TET2: variants seen among roughly 807,000 people sequenced by gnomAD.
TET2 encodes the protein methylcytosine dioxygenase TET2.
A neutral mutation model predicts 142.9 loss-of-function variants in TET2; 299 were observed. The observed-to-expected ratio is 2.09, with a 90% CI of 1.90 to 2.30. The LOEUF is 2.30. Among genes scored for constraint, TET2 ranks in the 30% most tolerant of loss-of-function variants. The pLI is 0.00. For synonymous variants in TET2, 819 were observed against 849.0 expected (o/e 0.96, Z 0.61); for missense variants, 2,418 against 2,378.0 (o/e 1.02, Z -0.35).
At chr4:105,240,742 T>C in intron 3 of TET2, 1 of 1,079,792 alleles carries the variant, frequency 9.3e-7, no homozygotes, top group Non-Finnish European at 1.1e-6. Context: ...AACAGCCCCT[T>C]CTTTTTGCCT....
chr4:105,200,642 GTTTTGT>G lies in TET2; in HGVS notation c.-47+10166_-47+10171del, dbSNP rs70964635. Among the ~76,000 whole-genome samples the G allele has an allele frequency of 5.5e-3, 815 of 149,510 alleles. 4 individuals carry two copies. The highest frequency in any genetic ancestry group is 0.02 in the South Asian group (95 of 4,688). On this transcript the variant is annotated intron_variant, in intron 2 of 10. Coordinates refer to ENST00000380013, the MANE Select transcript of TET2 (RefSeq NM_001127208.3). ...CAGGTCACACTGTTTTTTTTTGTTT[GTTTTGT>G]TTTTGTTTTTGTTTTTGTTTTTGTT...
At chr4:105,167,018 A>G (rs1476172503) in intron 1 of TET2, among the ~76,000 whole-genome samples, 2 of 151,774 alleles carry the variant, frequency 1.3e-5, no homozygotes, top group Non-Finnish European at 2.9e-5. Flanking sequence ...ACCTTTGATT[A>G]TTTCTTCCTT....
chr4:105,264,533 AT>A (rs1730597193), intron 8 of TET2, among the ~76,000 whole-genome samples: 1 of 152,168 alleles, frequency 6.6e-6, no homozygotes, highest in African/African-American at 2.4e-5. Context: ...TATTTTATAC[AT>A]TTCCTAAAAC....
chr4:105,208,144 T>C (rs185263334), intron 2 of TET2, among the ~76,000 whole-genome samples: 5 of 152,294 alleles, frequency 3.3e-5, no homozygotes, highest in Non-Finnish European at 7.4e-5. Flanking sequence ...CTCAATATCT[T>C]CCTGGCCATC....
intron 2 of TET2, among the ~76,000 whole-genome samples, chr4:105,228,174 A>G (rs923772861): frequency 3.3e-5 from 5 of 152,146 alleles, no homozygotes; most frequent in Non-Finnish European, 7.4e-5. Flanking sequence ...TTTAGCACAT[A>G]TTAAAGTAAA....
intron 3 of TET2, chr4:105,238,278 G>C (rs1729074362): frequency 4.2e-6 from 1 of 239,440 alleles, no homozygotes; most frequent in African/African-American, 2.2e-5. Flanking sequence ...GGTAGTTGCT[G>C]AAGGTTGCTG....
At chr4:105,149,048 C>G (rs1578521373) in intron 1 of TET2, among the ~76,000 whole-genome samples, 1 of 152,206 alleles carries the variant, frequency 6.6e-6, no homozygotes, top group East Asian at 1.9e-4. Flanking sequence ...CTTATTTGCC[C>G]TAAAATTAAA....
intron 4 of TET2, chr4:105,242,161 C>T (rs1729340263): frequency 8.8e-7 from 1 of 1,135,018 alleles, no homozygotes; most frequent in Non-Finnish European, 1.1e-6. Flanking sequence ...TATTCAGTAT[C>T]ATTCTTGCTC....
At chr4:105,201,655 A>ATTCTATTCTATTCTATTCTAG (rs1449095593) in intron 2 of TET2, among the ~76,000 whole-genome samples, 1 of 151,410 alleles carries the variant, frequency 6.6e-6, no homozygotes, top group Non-Finnish European at 1.5e-5. Context: ...ATAGAAGGTT[A>ATTCTATTCTATTCTATTCTAG]CCAAGTTGAG....
At chr4:105,166,696 G>T (rs1724171237) in intron 1 of TET2, among the ~76,000 whole-genome samples, 1 of 151,582 alleles carries the variant, frequency 6.6e-6, no homozygotes, top group Non-Finnish European at 1.5e-5. Context: ...TTTCCTTATA[G>T]TACATTCATA....
chr4:105,167,268 G>A (rs768822286), intron 1 of TET2, among the ~76,000 whole-genome samples: 69 of 151,828 alleles, frequency 4.5e-4, no homozygotes, highest in Admixed American at 6.6e-4. Flanking sequence ...CATATAAAAT[G>A]TATTAAATTT....
At chr4:105,148,203 C>G (rs1017825480) in intron 1 of TET2, among the ~76,000 whole-genome samples, 3 of 152,214 alleles carry the variant, frequency 2.0e-5, no homozygotes, top group Non-Finnish European at 2.9e-5. Flanking sequence ...TGGATAGACT[C>G]CTGGAAAGGC....
chr4:105,254,167 T>C (rs1730009303), intron 6 of TET2, among the ~76,000 whole-genome samples: 1 of 152,236 alleles, frequency 6.6e-6, no homozygotes. Context: ...TCTCTGCTTC[T>C]GTCTTAATTG....
chr4:105,247,714 C>CTTTTTTTTTTTTTTTTTTT (rs1206510081), intron 6 of TET2, among the ~76,000 whole-genome samples: 2 of 65,318 alleles, frequency 3.1e-5, no homozygotes, highest in Non-Finnish European at 5.4e-5. Flanking sequence ...TTTTTCTTTT[C>CTTTTTTTTTTTTTTTTTTT]TTTTTTTTTT....
At position 105,279,231 on chromosome 4, in the gene TET2, T is replaced by A. The variant is rs1731352512; in HGVS notation, c.*2712T>A. On this transcript the variant is annotated 3_prime_UTR_variant, in exon 11 of 11. Coordinates refer to ENST00000380013, the MANE Select transcript of TET2 (RefSeq NM_001127208.3). ...TCATCCATTCTTAATATTTGATTTC[T>A]GTGTCACCTACTGTCATTTGTTAAA... 1 of 232,180 alleles carries A rather than the reference T, an allele frequency of 4.3e-6. No homozygotes were observed. Among genetic ancestry groups the A allele is most frequent in the Admixed American group, 5.6e-5 (1 of 17,748 alleles). 14.4% of individuals were successfully genotyped at this position (232,180 alleles called of 1,614,324 possible). A position where few individuals can be genotyped will look rare whatever the true frequency, so the allele number is the denominator to read the frequency against.
chr4:105,171,364 A>G (rs1284744333), intron 1 of TET2: 3 of 152,230 alleles, frequency 2.0e-5, no homozygotes, highest in African/African-American at 7.2e-5. Flanking sequence ...TGAAGTGCAA[A>G]TCGTTCTTTA....
At chr4:105,211,874 C>T (rs1208548665) in intron 2 of TET2, among the ~76,000 whole-genome samples, 2 of 152,128 alleles carry the variant, frequency 1.3e-5, no homozygotes. Context: ...AACAAAGGCT[C>T]CATCAGGATC....
At chr4:105,237,397 T>C in intron 3 of TET2, 46 bp downstream of exon 3, 1 of 1,614,058 alleles carries the variant, frequency 6.2e-7, no homozygotes, top group Non-Finnish European at 8.5e-7. Flanking sequence ...TATCCAGAAT[T>C]AGCAAATTTA....
chr4:105,273,058 A>T (rs1005433480), intron 10 of TET2, 140 bp downstream of exon 10: 1 of 671,412 alleles, frequency 1.5e-6, no homozygotes, highest in Non-Finnish European at 2.5e-6. Flanking sequence ...ACAGGTAAAC[A>T]TGTGCCATGG....
Sources: gnomAD v4.1 joint callset for allele counts (sites outside exome capture counted in the v4.1 genomes callset) on GRCh38, gnomAD v4.1.1 for gene constraint, MANE v1.5 for transcripts, NCBI Gene and HGNC (gene_info 2026-07-23, HGNC 2026-07-21) for gene names.